DTWD2: variants seen among roughly 807,000 people sequenced by gnomAD.
DTWD2 encodes the protein DTW motif tRNA-uridine aminocarboxypropyltransferase 2.
In DTWD2, 39 loss-of-function variants were observed where a neutral mutation model predicts 31.8. The ratio of observed to expected loss-of-function variants is 1.22; its 90% CI spans 0.95 to 1.60. The LOEUF is 1.60. Ranked by LOEUF, DTWD2 falls within the 40% of genes most tolerant of loss-of-function variation. DTWD2 has a pLI of 0.00. For synonymous variants in DTWD2, 180 were observed against 142.8 expected, an observed-to-expected ratio of 1.26 and a Z score of -1.86; for missense variants, 515 against 381.5, an observed-to-expected ratio of 1.35 and a Z score of -2.92.
chr5:118,916,665 C>CA (rs750721731), intron 4 of DTWD2, among the ~76,000 whole-genome samples: 22,254 of 90,074 alleles, frequency 0.25, 1,867 homozygotes, highest in Middle Eastern at 0.3. Flanking sequence ...AACTCTGTCC[C>CA]AAAAAAAAAA....
chr5:118,969,512 G>A (rs1044897036), intron 1 of DTWD2, among the ~76,000 whole-genome samples: 2 of 152,162 alleles, frequency 1.3e-5, no homozygotes, highest in African/African-American at 2.4e-5. Context: ...AGCCTTCACC[G>A]GTAATATCTC....
chr5:118,903,100 T>G (rs1219717748), intron 4 of DTWD2, among the ~76,000 whole-genome samples: 3 of 150,880 alleles, frequency 2.0e-5, no homozygotes, highest in Non-Finnish European at 2.9e-5. Flanking sequence ...AAATTCCACA[T>G]TTTTCACCAA....
intron 4 of DTWD2, among the ~76,000 whole-genome samples, chr5:118,891,086 T>C (rs891969487): frequency 3.3e-5 from 5 of 152,214 alleles, no homozygotes; most frequent in Non-Finnish European, 7.3e-5. Context: ...AATTTCCAGA[T>C]GCAATGGAAG....
Position 118,928,549 on chromosome 5 carries a change from T to A in DTWD2, c.585A>T (p.Arg195=). 1 of 1,508,560 alleles carries A rather than the reference T, an allele frequency of 6.6e-7. No homozygotes were observed. The highest frequency in any genetic ancestry group is 8.8e-7 in the Non-Finnish European group (1 of 1,131,376). The allele number at this position is 1,508,560 out of a possible 1,614,324, so 93.4% of individuals were successfully genotyped here. Residue 195 remains arginine (R), a synonymous_variant, in exon 4 of 6, where the codon CGA becomes CGT. Coordinates refer to ENST00000510708, the MANE Select transcript of DTWD2 (RefSeq NM_173666.4). ...ATTACTAGTTTACCTGTTTGGGATG[T>A]CGGAACAAGGAGTTCTTATAGAAAA... The part of the protein sequence containing the change: ...KDIFYKNSLF[R]HPKQVQLKTS...
At chr5:118,881,629 C>G (rs1052817204) in intron 4 of DTWD2, among the ~76,000 whole-genome samples, 2 of 151,302 alleles carry the variant, frequency 1.3e-5, no homozygotes, top group Non-Finnish European at 2.9e-5. Context: ...ACTCAGAGTT[C>G]CACATGGCTG....
chr5:118,926,457 G>A (rs1198249444), intron 4 of DTWD2, among the ~76,000 whole-genome samples: 1 of 152,006 alleles, frequency 6.6e-6, no homozygotes, highest in Admixed American at 6.5e-5. Context: ...CTCAGGTGAC[G>A]GGTGCACTAA....
chr5:118,952,464 G>T (rs1000342849), intron 1 of DTWD2, among the ~76,000 whole-genome samples: 1 of 152,126 alleles, frequency 6.6e-6, no homozygotes, highest in Admixed American at 6.5e-5. Flanking sequence ...GTTGTTCTCC[G>T]GCAAGCAGGG....
intron 4 of DTWD2, among the ~76,000 whole-genome samples, chr5:118,863,606 TAATA>T (rs1374202810): frequency 6.6e-6 from 1 of 152,192 alleles, no homozygotes; most frequent in Non-Finnish European, 1.5e-5. Context: ...ACTTTTAAGT[TAATA>T]AAAAAATTTC....
At chr5:118,958,415 G>A (rs772729144) in intron 1 of DTWD2, among the ~76,000 whole-genome samples, 2 of 151,728 alleles carry the variant, frequency 1.3e-5, no homozygotes, top group Admixed American at 6.6e-5. Context: ...CCGGGATCAC[G>A]CCACTACACT....
intron 4 of DTWD2, among the ~76,000 whole-genome samples, chr5:118,890,706 G>GT (rs1413239571): frequency 6.6e-6 from 1 of 151,810 alleles, no homozygotes; most frequent in Non-Finnish European, 1.5e-5. Context: ...AAGTAGCTGG[G>GT]ACTACAGGCG....
intron 1 of DTWD2, among the ~76,000 whole-genome samples, chr5:118,987,099 A>G (rs1309394157): frequency 6.6e-6 from 1 of 152,214 alleles, no homozygotes; most frequent in African/African-American, 2.4e-5. Context: ...ACAGTAATTT[A>G]GCCTTTGATT....
rs534391863 is a variant in DTWD2, at chr5:118,864,425, A to C, written c.598-16207T>G. 4.6e-5 allele frequency among the ~76,000 whole-genome samples: 7 copies of C among 151,370 alleles called. No homozygotes were observed. In the South Asian group the frequency reaches 1.5e-3, roughly 32 times the overall value. On this transcript the variant is annotated intron_variant, in intron 4 of 5. Coordinates refer to ENST00000510708, the MANE Select transcript of DTWD2 (RefSeq NM_173666.4). ...AGGGTTAGCATTAGGAGATATACCT[A>C]ATGCTAAATGACGAGTTAATGGGTG...
intron 5 of DTWD2, among the ~76,000 whole-genome samples, chr5:118,841,541 G>A (rs115384433): frequency 0.029 from 4,426 of 152,240 alleles, 231 homozygotes; most frequent in African/African-American, 0.1. Flanking sequence ...ATGGGTAAAC[G>A]GTTTGCTATT....
At chr5:118,953,904 G>C (rs1754522055) in intron 1 of DTWD2, among the ~76,000 whole-genome samples, 1 of 152,148 alleles carries the variant, frequency 6.6e-6, no homozygotes, top group Non-Finnish European at 1.5e-5. Flanking sequence ...TGCTCTGCCT[G>C]GTATCTTATC....
intron 1 of DTWD2, among the ~76,000 whole-genome samples, chr5:118,986,380 G>C (rs983434666): frequency 2.6e-5 from 4 of 152,106 alleles, no homozygotes; most frequent in Non-Finnish European, 5.9e-5. Context: ...TCATATTTAA[G>C]ATATGTTATA....
intron 3 of DTWD2, among the ~76,000 whole-genome samples, chr5:118,938,840 T>C (rs1293879483): frequency 7.1e-6 from 1 of 141,574 alleles, no homozygotes; most frequent in Non-Finnish European, 1.5e-5. Context: ...GTGGAAGATA[T>C]TTAAGAAAAA....
At chr5:118,883,201 C>A (rs1752781373) in intron 4 of DTWD2, among the ~76,000 whole-genome samples, 1 of 152,188 alleles carries the variant, frequency 6.6e-6, no homozygotes, top group South Asian at 2.1e-4. Flanking sequence ...TTTGCTAAAG[C>A]ATAGCAAGAG....
chr5:118,977,232 A>T (rs533052928), intron 1 of DTWD2, among the ~76,000 whole-genome samples: 65 of 152,348 alleles, frequency 4.3e-4, no homozygotes, highest in African/African-American at 1.5e-3. Flanking sequence ...CCAATATCAT[A>T]CTGAATGGGC....
At chr5:118,868,900 C>A (rs1351092891) in intron 4 of DTWD2, among the ~76,000 whole-genome samples, 2 of 148,392 alleles carry the variant, frequency 1.3e-5, no homozygotes, top group Non-Finnish European at 3.0e-5. Context: ...TATGCCACAG[C>A]ATGGAAAATC....
Sources: allele counts gnomAD v4.1 joint callset (sites outside exome capture counted in the v4.1 genomes callset), GRCh38; gene constraint gnomAD v4.1.1; transcripts MANE v1.5; gene names NCBI Gene and HGNC (gene_info 2026-07-23, HGNC 2026-07-21).